Variants in IQCH observed in about 807,000 individuals in gnomAD.
IQCH encodes the protein IQ motif containing H.
A neutral mutation model predicts 117.0 loss-of-function variants in IQCH; 98 were observed. That is an observed-to-expected ratio of 0.84 (90% CI 0.71 to 0.99). IQCH has a LOEUF of 0.99. Among genes scored for constraint, IQCH ranks in the 50% least tolerant of loss-of-function variants. IQCH has a pLI of 0.00. For missense variants in IQCH, 1,102 were observed against 1,243.8 expected, an observed-to-expected ratio of 0.89 and a Z score of 1.72; for synonymous variants, 412 against 448.2, an observed-to-expected ratio of 0.92 and a Z score of 1.02.
Position 67,395,337 on chromosome 15 carries a change from C to A in IQCH, c.1679C>A (p.Ala560Glu). The A allele has an allele frequency of 6.2e-7, 1 of 1,613,944 alleles. No homozygotes were observed. Among genetic ancestry groups the A allele is most frequent in the Non-Finnish European group, 8.5e-7 (1 of 1,179,924 alleles). The change falls in exon 13 of 21, where the codon GCA becomes GAA. Residue 560 changes from alanine to glutamate, a missense_variant. Transcript: ENST00000335894. The surrounding 1 kb of genome is among the most constrained non-coding windows in gnomAD (Gnocchi z 4.0). ...LATHLMYSPK[A>E]IKRIKNLIRG... Reference sequence around the variant, plus strand: ...ACTCACCTGATGTACAGTCCCAAGGCAATCAAAAGAATAAAAAATCTCATC... The same window carrying A: ...ACTCACCTGATGTACAGTCCCAAGGAAATCAAAAGAATAAAAAATCTCATC...
rs927822469 is a variant in IQCH, at chr15:67,426,236, TAC to T, written c.2505+4665_2505+4666del. 5.3e-5 allele frequency among the ~76,000 whole-genome samples: 8 copies of T among 152,208 alleles called. No individual in the cohort carries two copies. The highest frequency in any genetic ancestry group is 4.6e-4 in the Admixed American group (7 of 15,280). On this transcript the variant is annotated intron_variant, in intron 16 of 20. Transcript: ENST00000335894. The surrounding 1 kb of genome is among the most constrained non-coding windows in gnomAD (Gnocchi z 5.1). ...ACATGTATTACGTAGGTACAATACA[TAC>T]ACACAGTTATACACACATATATGCA... is the stretch of plus-strand genomic sequence containing the variant.
chr15:67,417,138 C>A lies in IQCH; in HGVS notation c.2218+87C>A. On this transcript the variant is annotated intron_variant, in intron 15 of 20. Transcript: ENST00000335894. The surrounding 1 kb of genome is among the most constrained non-coding windows in gnomAD (Gnocchi z 4.3). ...GGGTCAACTGGGGCCAATTTAAATA[C>A]TTTGCATCTCCTGTGTTGGTTTAGA... is the stretch of plus-strand genomic sequence containing the variant. 1 of 1,135,972 alleles carries A rather than the reference C, an allele frequency of 8.8e-7. No individual in the cohort carries two copies. The highest frequency in any genetic ancestry group is 1.2e-6 in the Non-Finnish European group (1 of 826,996). The allele number at this position is 1,135,972 out of a possible 1,614,324, so 70.4% of individuals were successfully genotyped here. A position where few individuals can be genotyped will look rare whatever the true frequency, so the allele number is the denominator to read the frequency against.
chr15:67,361,792 A>G (rs1389093179), intron 8 of IQCH, among the ~76,000 whole-genome samples: 4 of 152,220 alleles, frequency 2.6e-5, no homozygotes, highest in South Asian at 2.1e-4. Context: ...ATAAAAAATG[A>G]TAGTAGAGTT....
intron 4 of IQCH, among the ~76,000 whole-genome samples, chr15:67,286,604 T>TTATTTATG (rs1276516848): frequency 7.0e-4 from 85 of 121,186 alleles, no homozygotes; most frequent in Non-Finnish European, 1.2e-3. Context: ...ATTTATTTAT[T>TTATTTATG]TATTTATTTA....
At chr15:67,347,104 C>T (rs1395442720) in intron 6 of IQCH, among the ~76,000 whole-genome samples, 2 of 150,908 alleles carry the variant, frequency 1.3e-5, no homozygotes, top group Admixed American at 1.3e-4. Context: ...ATCTAAGCTC[C>T]CACTCTAAAA....
At chr15:67,330,164 A>C (rs1968603014) in intron 4 of IQCH, among the ~76,000 whole-genome samples, 1 of 152,172 alleles carries the variant, frequency 6.6e-6, no homozygotes, top group East Asian at 1.9e-4. Flanking sequence ...AAAGCCACAG[A>C]AAGCTGCAAG....
intron 4 of IQCH, among the ~76,000 whole-genome samples, chr15:67,334,271 A>G (rs184204297): frequency 6.6e-6 from 1 of 152,272 alleles, no homozygotes; most frequent in Admixed American, 6.5e-5. Context: ...ACAGCAGATG[A>G]TACTTGAATC....
Position 67,367,284 on chromosome 15 carries a change from C to T in IQCH, c.754-4827C>T, listed in dbSNP as rs562957298. ...AGTGCAGTGGGTCATGCCTGTAACC[C>T]CAACACTTTGGGAGGCTGGGGTGGG... On this transcript the variant is annotated intron_variant, in intron 8 of 20. Transcript: ENST00000335894. 5.5e-4 allele frequency among the ~76,000 whole-genome samples: 84 copies of T among 152,238 alleles called. 2 individuals are homozygous for T. The South Asian group carries it at 0.017, about 31-fold the overall frequency.
At chr15:67,347,050 A>G (rs1490348251) in intron 6 of IQCH, among the ~76,000 whole-genome samples, 3 of 152,090 alleles carry the variant, frequency 2.0e-5, no homozygotes, top group Non-Finnish European at 4.4e-5. Context: ...AATTTTTAGC[A>G]TTAAATACTT....
intron 4 of IQCH, among the ~76,000 whole-genome samples, chr15:67,313,630 T>G (rs1967708260): frequency 2.0e-5 from 3 of 152,152 alleles, no homozygotes; most frequent in African/African-American, 7.2e-5. Context: ...AGAGGATGGC[T>G]TAGAGCTTTG....
At chr15:67,478,202 T>C (rs536964022) in intron 18 of IQCH, among the ~76,000 whole-genome samples, 1 of 152,148 alleles carries the variant, frequency 6.6e-6, no homozygotes, top group South Asian at 2.1e-4. Flanking sequence ...CTGGCCAACA[T>C]GGTGAAACTC....
chr15:67,306,103 G>A (rs997753830), intron 4 of IQCH, among the ~76,000 whole-genome samples: 1 of 151,962 alleles, frequency 6.6e-6, no homozygotes, highest in African/African-American at 2.4e-5. Context: ...TGATCAAATA[G>A]TTAGTTGACC....
At position 67,385,015 on chromosome 15, in the gene IQCH, CT is replaced by C; in HGVS notation, c.1454del (p.Leu485Ter). 1 of 1,588,512 alleles carries C rather than the reference CT, an allele frequency of 6.3e-7. No individual in the cohort carries two copies. The highest frequency in any genetic ancestry group is 8.6e-7 in the Non-Finnish European group (1 of 1,157,186). On this transcript the variant is annotated frameshift_variant, in exon 11 of 21. Transcript: ENST00000335894. LOFTEE classifies it high-confidence loss of function. This position sits in a 1 kb window ranked among gnomAD's most constrained non-coding sequence, Gnocchi z 4.6. ...NMQLGRLCDI[L>X]DANVNVIYIC... ...TGCAGCTGGGGAGGCTGTGTGACAT[CT>C]TAGGTACAGTAAATAGTTTTACACA...
At chr15:67,470,749 G>A (rs754895917) in intron 17 of IQCH, among the ~76,000 whole-genome samples, 7 of 152,096 alleles carry the variant, frequency 4.6e-5, no homozygotes, top group Non-Finnish European at 1.0e-4. Context: ...TGGTTCAAAA[G>A]GCAAAAGGTG....
chr15:67,334,015 G>A (rs1968783879), intron 4 of IQCH, among the ~76,000 whole-genome samples: 1 of 152,044 alleles, frequency 6.6e-6, no homozygotes, highest in African/African-American at 2.4e-5. Context: ...CTGTGATCGT[G>A]CCACTGAACT....
At chr15:67,482,817 A>G (rs1212917946) in intron 18 of IQCH, among the ~76,000 whole-genome samples, 1 of 152,200 alleles carries the variant, frequency 6.6e-6, no homozygotes, top group Non-Finnish European at 1.5e-5. Flanking sequence ...TCTGATAGCC[A>G]GGGAGTAACA....
In IQCH at chr15:67,481,676, A is replaced by T. The variant is rs1172976918; in HGVS notation, c.2799+5858A>T. Among the ~76,000 whole-genome samples, 1 of 152,238 alleles carries T rather than the reference A, an allele frequency of 6.6e-6. No individual in the cohort carries two copies. Among genetic ancestry groups the T allele is most frequent in the East Asian group, 1.9e-4 (1 of 5,204 alleles). ...AGCCTCATAGGCTTAAGATAACTGA[A>T]ATTAAGAGAGAGGCATAGAAGCAAG... On this transcript the variant is annotated intron_variant, in intron 18 of 20. Coordinates refer to ENST00000335894, the MANE Select transcript of IQCH (RefSeq NM_001031715.3). This position sits in a 1 kb window ranked among gnomAD's most constrained non-coding sequence, Gnocchi z 4.1.
chr15:67,397,542 A>T (rs186611631), intron 13 of IQCH, among the ~76,000 whole-genome samples: 132 of 152,366 alleles, frequency 8.7e-4, no homozygotes, highest in African/African-American at 3.1e-3. Flanking sequence ...TACCCTATCT[A>T]TTCTATCTGA....
chr15:67,499,133 C>A (rs141905051), intron 20 of IQCH, among the ~76,000 whole-genome samples: 2 of 151,610 alleles, frequency 1.3e-5, no homozygotes, highest in African/African-American at 4.9e-5. Flanking sequence ...CTCATCTCCA[C>A]GAAAACTTAT....
Sources: gnomAD v4.1 joint callset for allele counts (sites outside exome capture counted in the v4.1 genomes callset) on GRCh38, gnomAD v4.1.1 for gene constraint, Gnocchi (gnomAD v3.1) non-coding constraint, MANE v1.5 for transcripts, NCBI Gene and HGNC (gene_info 2026-07-23, HGNC 2026-07-21) for gene names.